DDX55: variants seen among roughly 807,000 people sequenced by gnomAD.
The protein encoded by DDX55 is ATP-dependent RNA helicase DDX55.
A neutral mutation model predicts 69.2 loss-of-function variants in DDX55; 56 were observed. The observed-to-expected ratio is 0.81, with a 90% CI of 0.65 to 1.01. The LOEUF (loss-of-function observed/expected upper bound fraction) is 1.01. Among genes scored for constraint, DDX55 ranks in the 50% least tolerant of loss-of-function variants. The pLI is 0.00. For missense variants in DDX55, 720 were observed against 745.1 expected (o/e 0.97, Z 0.39); for synonymous variants, 268 against 273.1 (o/e 0.98, Z 0.18).
chr12:123,602,109 C>A lies in DDX55; in HGVS notation c.-40C>A, dbSNP rs113620982. 6.6e-7 allele frequency: 1 copy of A among 1,512,608 alleles called. No homozygotes were observed. The highest frequency in any genetic ancestry group is 1.2e-5 in the South Asian group (1 of 82,898). The allele number at this position is 1,512,608 out of a possible 1,614,324, so 93.7% of individuals were successfully genotyped here. ...GTGCTCGTTGGGGGTGCACAAGGCGCGTTCGAGCAGCGGCGACCGACGCGG... is the reference window on the plus strand; with the variant it reads ...GTGCTCGTTGGGGGTGCACAAGGCGAGTTCGAGCAGCGGCGACCGACGCGG... On this transcript the variant is annotated 5_prime_UTR_variant, in exon 1 of 14. Coordinates refer to ENST00000238146, the MANE Select transcript of DDX55 (RefSeq NM_020936.3).
chr12:123,605,992 C>G lies in DDX55; in HGVS notation c.159+11C>G, dbSNP rs746168787. The G allele has an allele frequency of 1.9e-6, 3 of 1,614,108 alleles. No individual in the cohort carries two copies. The Admixed American group carries it at 5.0e-5, about 27-fold the overall frequency. ...GTCGCTGCAGAAGCGGTGAGTGCCT[C>G]GGGTATGTGCAGCCTGTCCTCGTGT... On this transcript the variant is annotated intron_variant, in intron 2 of 13. Coordinates refer to ENST00000238146, the MANE Select transcript of DDX55 (RefSeq NM_020936.3).
At chr12:123,614,415 G>A (rs1271819549) in intron 8 of DDX55, among the ~76,000 whole-genome samples, 1 of 152,218 alleles carries the variant, frequency 6.6e-6, no homozygotes, top group East Asian at 1.9e-4. Flanking sequence ...TTAGACCTGG[G>A]TTCTGGTTCT....
intron 12 of DDX55, 114 bp downstream of exon 12, chr12:123,618,951 C>A: frequency 6.9e-7 from 1 of 1,449,026 alleles, no homozygotes; most frequent in Non-Finnish European, 9.3e-7. Context: ...TGAGTAGACA[C>A]AGAATAAACT....
chr12:123,605,309 CA>C (rs2135688800), intron 1 of DDX55: 1 of 163,116 alleles, frequency 6.1e-6, no homozygotes, highest in African/African-American at 2.4e-5. Flanking sequence ...AGATGTGAGC[CA>C]CCACGCCTGG....
At position 123,619,533 on chromosome 12, in the gene DDX55, G is replaced by T. The variant is rs1011673801; in HGVS notation, c.1435G>T (p.Val479Phe). The T allele has an allele frequency of 1.2e-6, 2 of 1,613,976 alleles. No individual in the cohort carries two copies. Among genetic ancestry groups the T allele is most frequent in the Non-Finnish European group, 8.5e-7 (1 of 1,179,966 alleles). Reference sequence around the variant, plus strand: ...GTTTCCAGATTTTGTGCCCGTGGACGTTAATACCGACACGATTCCATTTAA... The same window carrying T: ...GTTTCCAGATTTTGTGCCCGTGGACTTTAATACCGACACGATTCCATTTAA... ...KQFPDFVPVD[V>F]NTDTIPFKDK... The change falls in exon 13 of 14, where the codon GTT becomes TTT. Residue 479 changes from valine (V) to phenylalanine (F), a missense_variant. Transcript: ENST00000238146.
At chr12:123,619,260 C>T (rs957481577) in intron 12 of DDX55, among the ~76,000 whole-genome samples, 172 bp from the exon 13 acceptor site, 6 of 152,246 alleles carry the variant, frequency 3.9e-5, no homozygotes, top group Non-Finnish European at 7.3e-5. Flanking sequence ...ACCTCGGCCT[C>T]GCAAAGTGCT....
In DDX55 at chr12:123,606,068, T is replaced by C. The variant is rs1953872356; in HGVS notation, c.160-5T>C. Reference sequence around the variant, plus strand: ...GAAAGGGAAACCAAAACTCTCTGTTTGCAGGTCACAGGTAGTGGCAAAACA... The same window carrying C: ...GAAAGGGAAACCAAAACTCTCTGTTCGCAGGTCACAGGTAGTGGCAAAACA... On this transcript the variant is annotated splice_polypyrimidine_tract_variant and splice_region_variant and intron_variant, in intron 2 of 13. Transcript: ENST00000238146. 3 of 1,613,466 alleles carry C rather than the reference T, an allele frequency of 1.9e-6. No homozygotes were observed. Among genetic ancestry groups the C allele is most frequent in the Non-Finnish European group, 2.5e-6 (3 of 1,179,838 alleles).
intron 6 of DDX55, 23 bp downstream of exon 6, chr12:123,608,852 G>A (rs1954041369): frequency 1.2e-6 from 2 of 1,602,790 alleles, no homozygotes; most frequent in Non-Finnish European, 8.5e-7. Flanking sequence ...GGACTTCACT[G>A]GCTTGAGTGG....
chr12:123,607,482 C>T lies in DDX55; in HGVS notation c.297C>T (p.Asp99=), dbSNP rs190027168. ...TPTRELAIQI[D]EVLSHFTKHF... is the part of the protein sequence containing the mutation. The stretch of plus-strand genomic sequence containing the variant: ...CTCGAGAGCTGGCCATTCAAATAGA[C>T]GAGGTCCTGTCGCATTTCACGAAGC... Residue 99 remains aspartate (D), a synonymous_variant, in exon 4 of 14, where the codon GAC becomes GAT. Transcript: ENST00000238146. 1.3e-4 allele frequency: 210 copies of T among 1,614,118 alleles called. 3 individuals carry two copies. In the Admixed American group the frequency reaches 2.8e-3, roughly 22 times the overall value.
In DDX55 at chr12:123,613,193, T is replaced by C; in HGVS notation, c.765T>C (p.Phe255=). 1.2e-6 allele frequency: 2 copies of C among 1,614,212 alleles called. No individual in the cohort carries two copies. Among genetic ancestry groups the C allele is most frequent in the South Asian group, 2.2e-5 (2 of 91,082 alleles). ...AGGTATGCAAGGCAGATGAGAAATT[T>C]AATCAGCTGGTCCATTTTCTTCGCA... The part of the protein sequence containing the change: ...YYMVCKADEK[F]NQLVHFLRNH... The change falls in exon 8 of 14, where the codon TTT becomes TTC. Residue 255 remains phenylalanine (F), a synonymous_variant. Coordinates refer to ENST00000238146, the MANE Select transcript of DDX55 (RefSeq NM_020936.3).
chr12:123,606,594 T>TG, intron 3 of DDX55, among the ~76,000 whole-genome samples: 1 of 151,048 alleles, frequency 6.6e-6, no homozygotes, highest in Non-Finnish European at 1.5e-5. Flanking sequence ...TTTTTTTTTT[T>TG]TTTCTTTTTT....
At chr12:123,617,979 G>T (rs779119961) in intron 11 of DDX55, 107 bp downstream of exon 11, 7 of 1,129,910 alleles carry the variant, frequency 6.2e-6, no homozygotes, top group African/African-American at 1.5e-5. Flanking sequence ...ACTCACTGGG[G>T]CTGGGCTGGT....
At chr12:123,615,974 T>TC (rs1412517435) in intron 9 of DDX55, among the ~76,000 whole-genome samples, 1 of 152,092 alleles carries the variant, frequency 6.6e-6, no homozygotes, top group Non-Finnish European at 1.5e-5. Context: ...AGAGTGAGAC[T>TC]CCATCTCAAA....
intron 1 of DDX55, among the ~76,000 whole-genome samples, chr12:123,603,706 G>A (rs1357091258): frequency 6.6e-6 from 1 of 151,668 alleles, no homozygotes; most frequent in Non-Finnish European, 1.5e-5. Flanking sequence ...ATTAGTAGCT[G>A]AGTGAATGGT....
At chr12:123,613,559 C>T (rs1285464218) in intron 8 of DDX55, among the ~76,000 whole-genome samples, 1 of 152,126 alleles carries the variant, frequency 6.6e-6, no homozygotes, top group African/African-American at 2.4e-5. Context: ...ACCACTATTA[C>T]ACCCTGTCAT....
At chr12:123,613,732 C>T (rs1471711720) in intron 8 of DDX55, among the ~76,000 whole-genome samples, 1 of 152,182 alleles carries the variant, frequency 6.6e-6, no homozygotes, top group Non-Finnish European at 1.5e-5. Context: ...AAGTGGGTCA[C>T]GTGGTGGCCC....
chr12:123,617,841 C>G lies in DDX55; in HGVS notation c.1133C>G (p.Ser378Ter), dbSNP rs1354391651. 1.9e-6 allele frequency: 3 copies of G among 1,614,038 alleles called. No individual in the cohort carries two copies. Among genetic ancestry groups the G allele is most frequent in the Non-Finnish European group, 2.5e-6 (3 of 1,180,044 alleles). ...ALVFLLPMEE[S>*]YINFLAINQK... ...GTGTTCCTCCTGCCCATGGAAGAGT[C>G]ATACATCAATTTCCTTGCAATTAAC... The change falls in exon 11 of 14, where the codon TCA becomes TGA. Residue 378 changes from serine (S) to a stop codon, truncating the protein, a stop_gained. Transcript: ENST00000238146. LOFTEE classifies it high-confidence loss of function.
At chr12:123,609,319 C>T (rs572671560) in intron 6 of DDX55, among the ~76,000 whole-genome samples, 11 of 151,128 alleles carry the variant, frequency 7.3e-5, no homozygotes, top group South Asian at 6.3e-4. Context: ...AATTCTACCA[C>T]GTGATTTTAT....
rs1325625228 is a variant in DDX55 at position 123,609,917 on chromosome 12, G to A, written c.552-22G>A. ...ATTCTGCTGGCAAGTGAGCGGTTAAGTGTGAGCCCTCTTTTTATCAGCATC... is the reference window on the plus strand; with the variant it reads ...ATTCTGCTGGCAAGTGAGCGGTTAAATGTGAGCCCTCTTTTTATCAGCATC... On this transcript the variant is annotated intron_variant, in intron 6 of 13. Coordinates refer to ENST00000238146, the MANE Select transcript of DDX55 (RefSeq NM_020936.3). 4 of 1,607,502 alleles carry A rather than the reference G, an allele frequency of 2.5e-6. No individual in the cohort carries two copies. In the East Asian group the frequency reaches 8.9e-5, roughly 36 times the overall value.
Sources: gnomAD v4.1 joint callset for allele counts (sites outside exome capture counted in the v4.1 genomes callset) on GRCh38, gnomAD v4.1.1 for gene constraint, MANE v1.5 for transcripts, NCBI Gene and HGNC (gene_info 2026-07-23, HGNC 2026-07-21) for gene names.